The following CLEC16A variants were observed in gnomAD, a reference collection of about 807,000 sequenced individuals.
CLEC16A encodes the protein C-type lectin domain containing 16A.
CLEC16A carries 51 observed loss-of-function variants against 109.5 expected under a neutral mutation model. That is an observed-to-expected ratio of 0.47 (90% CI 0.37 to 0.59). The LOEUF is 0.59. Among genes scored for constraint, CLEC16A ranks in the 20% least tolerant of loss-of-function variants. The pLI is 0.00. For missense variants in CLEC16A, 1,339 were observed against 1,394.0 expected (o/e 0.96, Z 0.63); for synonymous variants, 673 against 564.2 (o/e 1.19, Z -2.73).
intron 19 of CLEC16A, among the ~76,000 whole-genome samples, chr16:11,105,013 C>A (rs1475293113): frequency 6.6e-6 from 1 of 152,212 alleles, no homozygotes; most frequent in Non-Finnish European, 1.5e-5. Context: ...TATCTGGCTG[C>A]ATAATGAGCT....
intron 10 of CLEC16A, 122 bp downstream of exon 10, chr16:10,983,113 G>C (rs1442542637): frequency 1.7e-6 from 1 of 597,500 alleles, no homozygotes. Flanking sequence ...TGCATAAGCT[G>C]GTCCGGGATT....
At chr16:10,962,635 C>T (rs1332180077) in intron 3 of CLEC16A, 47 bp downstream of exon 3, 3 of 1,599,990 alleles carry the variant, frequency 1.9e-6, no homozygotes, top group South Asian at 2.2e-5. Context: ...GTGCATGTAG[C>T]AGGGTGAAGT....
At chr16:11,126,327 A>T (rs2052817630) in intron 22 of CLEC16A, 181 bp downstream of exon 22, 2 of 1,488,852 alleles carry the variant, frequency 1.3e-6, no homozygotes, top group Non-Finnish European at 1.8e-6. Flanking sequence ...CCCAAAATAA[A>T]TTTTGGCTTT....
intron 17 of CLEC16A, chr16:11,047,626 GT>G (rs1443195000): frequency 1.5e-5 from 4 of 268,834 alleles, no homozygotes; most frequent in Non-Finnish European, 2.8e-5. Flanking sequence ...GACTTACTCT[GT>G]GCTGGATGTA....
At chr16:10,984,345 T>C (rs972018739) in intron 10 of CLEC16A, among the ~76,000 whole-genome samples, 4 of 152,220 alleles carry the variant, frequency 2.6e-5, no homozygotes, top group Non-Finnish European at 2.9e-5. Flanking sequence ...CATTAGTGAA[T>C]TGATTGGGGC....
chr16:11,014,584 G>A (rs946509439), intron 11 of CLEC16A, among the ~76,000 whole-genome samples: 1 of 152,202 alleles, frequency 6.6e-6, no homozygotes, highest in Non-Finnish European at 1.5e-5. Flanking sequence ...ACACAGAGAC[G>A]TGACAGAAAT....
At chr16:11,156,498 C>A in intron 22 of CLEC16A, 1 of 820,562 alleles carries the variant, frequency 1.2e-6, no homozygotes, top group Non-Finnish European at 1.8e-6. Context: ...TCTGCTCCAG[C>A]TGGGGTCAGT....
intron 11 of CLEC16A, among the ~76,000 whole-genome samples, chr16:11,015,537 G>A (rs62028155): frequency 6.6e-6 from 1 of 152,290 alleles, no homozygotes; most frequent in Non-Finnish European, 1.5e-5. Flanking sequence ...GCAGTCAGAG[G>A]CATTTGATGC....
At chr16:11,098,683 G>A (rs749051019) in intron 19 of CLEC16A, among the ~76,000 whole-genome samples, 1 of 152,304 alleles carries the variant, frequency 6.6e-6, no homozygotes, top group Middle Eastern at 3.4e-3. Context: ...CTGCCAATGG[G>A]CCTCCCTTCG....
chr16:11,122,176 G>T (rs146064847), intron 20 of CLEC16A, among the ~76,000 whole-genome samples: 1 of 152,274 alleles, frequency 6.6e-6, no homozygotes, highest in Non-Finnish European at 1.5e-5. Flanking sequence ...TGCTCTCTGC[G>T]AGAACCACCC....
chr16:10,981,618 A>G (rs2043325095), intron 9 of CLEC16A, among the ~76,000 whole-genome samples: 1 of 152,242 alleles, frequency 6.6e-6, no homozygotes. Flanking sequence ...TGCACTCCCC[A>G]GAGGCAGCCT....
chr16:11,084,276 C>A (rs2049890862), intron 19 of CLEC16A, among the ~76,000 whole-genome samples: 1 of 152,096 alleles, frequency 6.6e-6, no homozygotes, highest in South Asian at 2.1e-4. Flanking sequence ...TCCCTGACCA[C>A]CAGATCTCTC....
chr16:11,088,852 C>G (rs1207530922), intron 19 of CLEC16A, among the ~76,000 whole-genome samples: 2 of 152,264 alleles, frequency 1.3e-5, no homozygotes, highest in Non-Finnish European at 2.9e-5. Flanking sequence ...TCGGGTTTTC[C>G]TTTTGTTGTT....
In CLEC16A at chr16:11,072,957, G is replaced by A. The variant is rs1233809277; in HGVS notation, c.2116+11935G>A. On this transcript the variant is annotated intron_variant, in intron 19 of 23. Transcript: ENST00000409790. Reference sequence around the variant, plus strand: ...TTGGAAAGATGACTTTCAGGAAAGTGGGTGCCGTCTGATTGAAGAGCTGAA... The same window carrying A: ...TTGGAAAGATGACTTTCAGGAAAGTAGGTGCCGTCTGATTGAAGAGCTGAA... Among the ~76,000 whole-genome samples, 2 of 152,300 alleles carry A rather than the reference G, an allele frequency of 1.3e-5. 1 individual carries two copies. Among genetic ancestry groups the A allele is most frequent in the Middle Eastern group, 6.8e-3 (2 of 294 alleles).
chr16:10,962,087 G>T (rs2042275275), intron 2 of CLEC16A, among the ~76,000 whole-genome samples: 1 of 151,134 alleles, frequency 6.6e-6, no homozygotes, highest in Admixed American at 6.6e-5. Flanking sequence ...TGAGTAGCTG[G>T]CACTTCAGGC....
intron 22 of CLEC16A, among the ~76,000 whole-genome samples, chr16:11,148,802 A>G (rs533667799): frequency 2.0e-5 from 3 of 152,180 alleles, no homozygotes; most frequent in African/African-American, 4.8e-5. Context: ...TTCTCCGAGC[A>G]CAGCGATGCA....
intron 22 of CLEC16A, among the ~76,000 whole-genome samples, chr16:11,144,100 C>G (rs79397214): frequency 6.6e-6 from 1 of 152,190 alleles, no homozygotes; most frequent in East Asian, 1.9e-4. Context: ...AGCCCTGTCG[C>G]TCGGCACTTT....
chr16:10,974,865 A>T (rs1249423434), intron 7 of CLEC16A, among the ~76,000 whole-genome samples: 2 of 152,286 alleles, frequency 1.3e-5, no homozygotes, highest in South Asian at 2.1e-4. Flanking sequence ...TATGACATCA[A>T]CCCCAATTAC....
chr16:10,948,761 A>G (rs1249682127), intron 1 of CLEC16A, among the ~76,000 whole-genome samples: 1 of 152,210 alleles, frequency 6.6e-6, no homozygotes, highest in Non-Finnish European at 1.5e-5. Flanking sequence ...GGCTGAATCC[A>G]GGTGTTTGGA....
Sources: allele counts gnomAD v4.1 joint callset (sites outside exome capture counted in the v4.1 genomes callset), GRCh38; gene constraint gnomAD v4.1.1; transcripts MANE v1.5; gene names NCBI Gene and HGNC (gene_info 2026-07-23, HGNC 2026-07-21).